Variants in NEK7 observed in about 807,000 individuals in gnomAD.
NEK7 encodes the protein serine/threonine-protein kinase Nek7.
Under a neutral mutation model 44.6 loss-of-function variants are expected in NEK7, and 18 were observed. The ratio of observed to expected loss-of-function variants is 0.40; its 90% CI spans 0.28 to 0.60. NEK7 has a LOEUF of 0.60. Among genes scored for constraint, NEK7 ranks in the 20% least tolerant of loss-of-function variants. The probability of loss-of-function intolerance (pLI) is 0.38; values close to 1 mark genes in which losing one functional copy is unlikely to be tolerated. For synonymous variants in NEK7, 130 were observed against 121.1 expected (o/e 1.07, Z -0.48); for missense variants, 256 against 366.5 (o/e 0.70, Z 2.46).
At chr1:198,234,785 A>G (rs1334956089) in intron 2 of NEK7, among the ~76,000 whole-genome samples, 1 of 152,168 alleles carries the variant, frequency 6.6e-6, no homozygotes, top group Non-Finnish European at 1.5e-5. Flanking sequence ...GAAACAGGCA[A>G]GTGTCGTCCC....
At chr1:198,263,353 A>G (rs1032724783) in intron 4 of NEK7, among the ~76,000 whole-genome samples, 1 of 151,956 alleles carries the variant, frequency 6.6e-6, no homozygotes, top group Non-Finnish European at 1.5e-5. Context: ...ATTTCTTGGC[A>G]CATGAAGTAG....
At chr1:198,161,196 A>G (rs1272637158) in intron 1 of NEK7, among the ~76,000 whole-genome samples, 2 of 152,200 alleles carry the variant, frequency 1.3e-5, no homozygotes, top group Admixed American at 6.5e-5. Flanking sequence ...CATAATGGAA[A>G]TAGGCCTTTT....
intron 1 of NEK7, among the ~76,000 whole-genome samples, chr1:198,222,955 C>T (rs1318720983): frequency 6.6e-6 from 1 of 152,008 alleles, no homozygotes; most frequent in Admixed American, 6.6e-5. Context: ...ACCAGCCATT[C>T]GGGAATTCTG....
chr1:198,250,889 T>C (rs1465073451), intron 2 of NEK7, among the ~76,000 whole-genome samples: 1 of 152,122 alleles, frequency 6.6e-6, no homozygotes, highest in African/African-American at 2.4e-5. Context: ...TCCTGCCTAA[T>C]TGCCCTGGCC....
At chr1:198,293,189 A>G in intron 8 of NEK7, 150 bp downstream of exon 8, 1 of 508,086 alleles carries the variant, frequency 2.0e-6, no homozygotes. Flanking sequence ...ACTTTGTATA[A>G]TGGAATTTAA....
chr1:198,178,202 A>T (rs1664660606), intron 1 of NEK7, among the ~76,000 whole-genome samples: 1 of 152,068 alleles, frequency 6.6e-6, no homozygotes, highest in Non-Finnish European at 1.5e-5. Flanking sequence ...TAATGAAGAA[A>T]ATCACTAAAT....
At chr1:198,288,640 C>G (rs112753169) in intron 7 of NEK7, among the ~76,000 whole-genome samples, 48 of 152,286 alleles carry the variant, frequency 3.2e-4, no homozygotes, top group African/African-American at 1.1e-3. Context: ...CTCTCTAAAG[C>G]AGTATAATAA....
Position 198,319,686 on chromosome 1 carries a change from T to A in NEK7, c.*164T>A. On this transcript the variant is annotated 3_prime_UTR_variant, in exon 10 of 10. Coordinates refer to ENST00000367385, the MANE Select transcript of NEK7 (RefSeq NM_133494.3). Reference sequence around the variant, plus strand: ...CTTCATTTTGTACCAGTCACCTAAATCACCTCCTTGCAACCCCCAAATGAC... The same window carrying A: ...CTTCATTTTGTACCAGTCACCTAAAACACCTCCTTGCAACCCCCAAATGAC... 1 of 727,142 alleles carries A rather than the reference T, an allele frequency of 1.4e-6. No homozygotes were observed. The highest frequency in any genetic ancestry group is 2.0e-6 in the Non-Finnish European group (1 of 510,702). The allele number at this position is 727,142 out of a possible 1,614,324, so 45.0% of individuals were successfully genotyped here.
At chr1:198,223,006 G>A (rs1446810314) in intron 1 of NEK7, among the ~76,000 whole-genome samples, 1 of 152,014 alleles carries the variant, frequency 6.6e-6, no homozygotes, top group African/African-American at 2.4e-5. Flanking sequence ...ATGCCAGACA[G>A]GATTTCACAG....
intron 5 of NEK7, among the ~76,000 whole-genome samples, chr1:198,274,248 AT>A (rs1653946550): frequency 6.7e-6 from 1 of 148,390 alleles, no homozygotes; most frequent in Admixed American, 6.8e-5. Context: ...CCAGGATTGC[AT>A]TTTTTTGTTT....
chr1:198,185,190 ATTTTTTTTTTTTTT>A (rs919588030), intron 1 of NEK7, among the ~76,000 whole-genome samples: 1 of 83,818 alleles, frequency 1.2e-5, no homozygotes, highest in African/African-American at 4.8e-5. Context: ...CATGCTGTCT[ATTTTTTTTTTTTTT>A]TTTTTTTTTG....
rs190348478 is a variant in NEK7, at chr1:198,244,325, A to T, written c.58-8715A>T. On this transcript the variant is annotated intron_variant, in intron 2 of 9. Coordinates refer to ENST00000367385, the MANE Select transcript of NEK7 (RefSeq NM_133494.3). ...GGGAGACTATTGAGTTCATGCTGTG[A>T]CTCTTCTAATTTCCCCAGAGAGGAT... Among the ~76,000 whole-genome samples, 254 of 152,062 alleles carry T rather than the reference A, an allele frequency of 1.7e-3. 3 individuals carry two copies. Among genetic ancestry groups the T allele is most frequent in the Admixed American group, 0.015 (234 of 15,256 alleles).
chr1:198,207,539 A>G (rs770573013), intron 1 of NEK7, among the ~76,000 whole-genome samples: 14 of 152,206 alleles, frequency 9.2e-5, no homozygotes, highest in Non-Finnish European at 1.6e-4. Context: ...AAAAATGAAC[A>G]AACTGTGTAA....
rs768828828 is a variant in NEK7, at chr1:198,279,037, A to G, written c.565A>G (p.Lys189Glu). Reference protein sequence around the residue: ...DLGLGRFFSSKTTAAHSLVGT... With the variant: ...DLGLGRFFSSETTAAHSLVGT... ...TGGGCTTGGCCGGTTTTTCAGCTCA[A>G]AAACCACAGCTGCACATTCTTTAGG... The change falls in exon 7 of 10, where the codon AAA becomes GAA. Residue 189 changes from lysine (K) to glutamate (E), a missense_variant. By Grantham distance (56) the Lys-to-Glu change is moderately conservative. Around this residue, in one of 3 missense-constraint regions of NEK7, gnomAD observed 102 missense variants for 205.2 expected, o/e 0.50. Coordinates refer to ENST00000367385, the MANE Select transcript of NEK7 (RefSeq NM_133494.3). The G allele has an allele frequency of 8.7e-6, 14 of 1,608,484 alleles. No homozygotes were observed. Among genetic ancestry groups the G allele is most frequent in the Middle Eastern group, 1.7e-4 (1 of 6,034 alleles).
At chr1:198,212,740 A>G (rs1052705067) in intron 1 of NEK7, among the ~76,000 whole-genome samples, 1 of 152,228 alleles carries the variant, frequency 6.6e-6, no homozygotes, top group Non-Finnish European at 1.5e-5. Context: ...AACATAAGGC[A>G]AGCAGAAAAT....
chr1:198,279,491 T>G (rs745413868), intron 7 of NEK7, among the ~76,000 whole-genome samples: 5 of 151,940 alleles, frequency 3.3e-5, no homozygotes, highest in Non-Finnish European at 5.9e-5. Flanking sequence ...TTAATAGAAA[T>G]TACTAAAGGA....
At chr1:198,315,682 C>T (rs1655348321) in intron 9 of NEK7, among the ~76,000 whole-genome samples, 1 of 152,128 alleles carries the variant, frequency 6.6e-6, no homozygotes, top group Non-Finnish European at 1.5e-5. Context: ...GGACTGGTTG[C>T]TGACGGTTAG....
chr1:198,277,940 T>C (rs1203481472), intron 5 of NEK7, 21 bp from the exon 6 acceptor site: 3 of 1,451,194 alleles, frequency 2.1e-6, no homozygotes, highest in Non-Finnish European at 2.9e-6. Context: ...TTTATAGTTC[T>C]TATTTTTAAT....
intron 7 of NEK7, among the ~76,000 whole-genome samples, chr1:198,291,727 G>C (rs1654562440): frequency 6.6e-6 from 1 of 151,818 alleles, no homozygotes; most frequent in African/African-American, 2.4e-5. Flanking sequence ...AGTAAAAACG[G>C]ATTCCGATAC....
Sources: gnomAD v4.1 joint callset for allele counts (sites outside exome capture counted in the v4.1 genomes callset) on GRCh38, gnomAD v4.1.1 for gene constraint, gnomAD v4.1.1 regional missense constraint, MANE v1.5 for transcripts, NCBI Gene and HGNC (gene_info 2026-07-23, HGNC 2026-07-21) for gene names.